TRAPPC9: variants seen among roughly 807,000 people sequenced by gnomAD.
The protein encoded by TRAPPC9 is IKK2 binding protein.
In TRAPPC9, 83 loss-of-function variants were observed where a neutral mutation model predicts 124.0. The ratio of observed to expected loss-of-function variants is 0.67; its 90% CI spans 0.56 to 0.80. The LOEUF (loss-of-function observed/expected upper bound fraction) is 0.80, where lower values mean the gene tolerates loss of function less well. TRAPPC9 is among the 30% of genes least tolerant of loss of function. The probability of loss-of-function intolerance (pLI) is 0.00; values close to 1 mark genes in which losing one functional copy is unlikely to be tolerated. For synonymous variants in TRAPPC9, 638 were observed against 617.5 expected, an observed-to-expected ratio of 1.03 and a Z score of -0.49; for missense variants, 1,302 against 1,508.3, an observed-to-expected ratio of 0.86 and a Z score of 2.27.
intron 17 of TRAPPC9, among the ~76,000 whole-genome samples, chr8:140,150,112 G>C (rs535963523): frequency 2.2e-4 from 33 of 152,248 alleles, no homozygotes; most frequent in African/African-American, 7.5e-4. Flanking sequence ...CAGGTCTTAA[G>C]GGCTTAGCAT....
chr8:140,404,568 G>A (rs918505590), intron 6 of TRAPPC9, among the ~76,000 whole-genome samples: 4 of 152,182 alleles, frequency 2.6e-5, no homozygotes, highest in African/African-American at 9.7e-5. Flanking sequence ...AGCAGGTCCG[G>A]AGGCGAGAGT....
At chr8:140,256,372 C>A (rs904293388) in intron 15 of TRAPPC9, among the ~76,000 whole-genome samples, 20 of 152,202 alleles carry the variant, frequency 1.3e-4, no homozygotes, top group Non-Finnish European at 2.8e-4. Flanking sequence ...AAAATCACAT[C>A]ATCAATTGGG....
intron 20 of TRAPPC9, among the ~76,000 whole-genome samples, chr8:139,891,677 C>T (rs1830356089): frequency 6.6e-6 from 1 of 152,210 alleles, no homozygotes. Context: ...AAACTCGGGG[C>T]TTGACATCTT....
intron 17 of TRAPPC9, among the ~76,000 whole-genome samples, chr8:140,134,455 G>A (rs976059682): frequency 1.3e-5 from 2 of 151,996 alleles, no homozygotes; most frequent in East Asian, 1.9e-4. Flanking sequence ...TAGTAGAGAC[G>A]GGGTTTCACC....
At chr8:140,139,859 C>T (rs1028530952) in intron 17 of TRAPPC9, among the ~76,000 whole-genome samples, 10 of 151,926 alleles carry the variant, frequency 6.6e-5, no homozygotes, top group East Asian at 1.9e-4. Context: ...TTCAAAAGCC[C>T]GCAGTTTTGC....
intron 3 of TRAPPC9, among the ~76,000 whole-genome samples, chr8:140,436,878 T>C (rs915481725): frequency 2.0e-5 from 3 of 152,332 alleles, no homozygotes; most frequent in Admixed American, 2.0e-4. Flanking sequence ...TCTTTTCTTT[T>C]CCATCCCTAA....
chr8:139,977,350 G>T (rs1249870242), intron 19 of TRAPPC9, among the ~76,000 whole-genome samples: 1 of 151,994 alleles, frequency 6.6e-6, no homozygotes, highest in African/African-American at 2.4e-5. Context: ...GGCCAGGCGT[G>T]GTGGCTCACA....
At chr8:140,222,763 A>G (rs1438668141) in intron 16 of TRAPPC9, among the ~76,000 whole-genome samples, 1 of 152,250 alleles carries the variant, frequency 6.6e-6, no homozygotes, top group African/African-American at 2.4e-5. Context: ...GCTCCCTAAC[A>G]GAACCCAGCT....
intron 17 of TRAPPC9, among the ~76,000 whole-genome samples, chr8:140,127,853 C>A (rs2061126957): frequency 6.6e-6 from 1 of 152,126 alleles, no homozygotes; most frequent in East Asian, 1.9e-4. Context: ...TCTTTCTTGC[C>A]AAAAATGAGT....
intron 7 of TRAPPC9, among the ~76,000 whole-genome samples, chr8:140,384,438 T>C (rs367606616): frequency 1.3e-5 from 2 of 152,000 alleles, no homozygotes; most frequent in African/African-American, 4.8e-5. Flanking sequence ...GAGACACACA[T>C]AGGCTCAAAA....
At chr8:140,326,237 A>AG (rs1554668276) in intron 9 of TRAPPC9, among the ~76,000 whole-genome samples, 2 of 151,558 alleles carry the variant, frequency 1.3e-5, no homozygotes, top group African/African-American at 4.8e-5. Context: ...AAAAAAAAAA[A>AG]AAGAAGAAGA....
intron 16 of TRAPPC9, among the ~76,000 whole-genome samples, chr8:140,230,794 A>T (rs1040464034): frequency 1.8e-4 from 28 of 152,244 alleles, no homozygotes; most frequent in African/African-American, 6.7e-4. Context: ...AAGAAAAAAA[A>T]AGTGGATGAA....
At chr8:140,359,911 G>A (rs1427706391) in intron 9 of TRAPPC9, 139 bp downstream of exon 9, 4 of 1,238,326 alleles carry the variant, frequency 3.2e-6, no homozygotes, top group Non-Finnish European at 4.7e-6. Flanking sequence ...GCATGGGGCA[G>A]GGACCTTGTC....
chr8:139,785,654 G>A (rs543544352), intron 21 of TRAPPC9, among the ~76,000 whole-genome samples: 44 of 151,778 alleles, frequency 2.9e-4, no homozygotes, highest in South Asian at 8.4e-4. Context: ...GCTTGAACCC[G>A]TGAGGTGGAG....
intron 20 of TRAPPC9, among the ~76,000 whole-genome samples, chr8:139,906,249 G>A (rs1174656144): frequency 6.6e-6 from 1 of 152,230 alleles, no homozygotes; most frequent in Non-Finnish European, 1.5e-5. Flanking sequence ...AGGTCACCCT[G>A]TCCACAGCAG....
chr8:139,955,763 T>C (rs1007109248), intron 19 of TRAPPC9, among the ~76,000 whole-genome samples: 2 of 152,230 alleles, frequency 1.3e-5, no homozygotes, highest in Non-Finnish European at 2.9e-5. Flanking sequence ...CTGAGTTTCC[T>C]GTTCGTGAGG....
At chr8:140,075,327 T>C (rs1343827735) in intron 17 of TRAPPC9, among the ~76,000 whole-genome samples, 3 of 152,230 alleles carry the variant, frequency 2.0e-5, no homozygotes, top group African/African-American at 7.2e-5. Flanking sequence ...TTAATAACTC[T>C]TGACTAGTTG....
At chr8:139,782,566 A>C (rs1020864413) in intron 21 of TRAPPC9, among the ~76,000 whole-genome samples, 1 of 152,236 alleles carries the variant, frequency 6.6e-6, no homozygotes, top group Non-Finnish European at 1.5e-5. Context: ...AAAATTCGTT[A>C]AGTAAAATCT....
chr8:140,237,746 G>A (rs1429911229), intron 16 of TRAPPC9, among the ~76,000 whole-genome samples: 1 of 152,166 alleles, frequency 6.6e-6, no homozygotes, highest in African/African-American at 2.4e-5. Flanking sequence ...GATGCCACCA[G>A]AAGTCACCCA....
Sources: gnomAD v4.1 joint callset for allele counts (sites outside exome capture counted in the v4.1 genomes callset) on GRCh38, gnomAD v4.1.1 for gene constraint, MANE v1.5 for transcripts, NCBI Gene and HGNC (gene_info 2026-07-23, HGNC 2026-07-21) for gene names.